CAPN1: variants seen among roughly 807,000 people sequenced by gnomAD.
CAPN1 encodes the protein calpain-1 catalytic subunit.
Under a neutral mutation model 105.2 loss-of-function variants are expected in CAPN1, and 77 were observed. That is an observed-to-expected ratio of 0.73 (90% CI 0.61 to 0.88). The LOEUF (loss-of-function observed/expected upper bound fraction) is 0.88, where lower values mean the gene tolerates loss of function less well. CAPN1 is among the 40% of genes least tolerant of loss of function. CAPN1 has a pLI of 0.00. For missense variants in CAPN1, 833 were observed against 976.6 expected (o/e 0.85, Z 1.96); for synonymous variants, 355 against 388.8 (o/e 0.91, Z 1.02).
Position 65,188,535 on chromosome 11 carries a change from C to A in CAPN1, c.1004+47C>A, listed in dbSNP as rs1302766902. On this transcript the variant is annotated intron_variant, in intron 9 of 21. Coordinates refer to ENST00000279247, the MANE Select transcript of CAPN1 (RefSeq NM_005186.4). The surrounding 1 kb of genome is among the most constrained non-coding windows in gnomAD (Gnocchi z 5.5). ...ACCCCACCTCTCCACCCCTACACAT[C>A]AGCTCTGTGCCCTGACGGGCTGTGC... is the stretch of plus-strand genomic sequence containing the variant. 2.5e-6 allele frequency: 4 copies of A among 1,613,032 alleles called. No individual in the cohort carries two copies. The highest frequency in any genetic ancestry group is 4.5e-5 in the East Asian group (2 of 44,886).
rs780440607 is a variant in CAPN1 at position 65,205,736 on chromosome 11, A to G, written c.1353+15A>G. 6 of 1,612,554 alleles carry G rather than the reference A, an allele frequency of 3.7e-6. No individual in the cohort carries two copies. The South Asian group carries it at 6.6e-5, about 18-fold the overall frequency. ...TCCCTCCGGAGGTAGGTGTGGCACC[A>G]TGACCCACCTGCAGTCACACACCCC... On this transcript the variant is annotated intron_variant, in intron 12 of 21. Coordinates refer to ENST00000279247, the MANE Select transcript of CAPN1 (RefSeq NM_005186.4).
Position 65,204,903 on chromosome 11 carries a change from G to T in CAPN1, c.1341+45G>T, listed in dbSNP as rs551304291. On this transcript the variant is annotated intron_variant, in intron 11 of 21. Transcript: ENST00000279247. ...GGTGGATCTCACTGAGCAGGCAGAG[G>T]ACCTGGCGCCCCCGACCCGCAGTGC... 12 of 1,544,158 alleles carry T rather than the reference G, an allele frequency of 7.8e-6. No individual in the cohort carries two copies. The South Asian group carries it at 1.2e-4, about 16-fold the overall frequency.
At chr11:65,193,277 C>A (rs116229398) in intron 10 of CAPN1, among the ~76,000 whole-genome samples, 1,815 of 152,012 alleles carry the variant, frequency 0.012, 36 homozygotes, top group African/African-American at 0.042. Flanking sequence ...CTGCACCCAG[C>A]CCCCTCTTAA....
intron 4 of CAPN1, among the ~76,000 whole-genome samples, chr11:65,184,686 A>G (rs1341726250): frequency 5.9e-5 from 9 of 152,102 alleles, no homozygotes; most frequent in Admixed American, 4.6e-4. Flanking sequence ...TGCTCATCCA[A>G]TGACACAGGT....
chr11:65,208,205 G>A lies in CAPN1; in HGVS notation c.1672G>A (p.Asp558Asn), dbSNP rs534023516. 8.0e-5 allele frequency: 127 copies of A among 1,584,066 alleles called. No individual in the cohort carries two copies. The highest frequency in any genetic ancestry group is 1.5e-5 in the Non-Finnish European group (18 of 1,165,032). ...KALFRQLAGEDMEISVKELRT... is the reference protein window; with the variant it reads ...KALFRQLAGENMEISVKELRT... ...GGTGCCACCTCCTCTCTCTCCCCAG[G>A]ACATGGAGATCAGCGTGAAGGAGTT... The change falls in exon 16 of 22, where the codon GAC becomes AAC. Residue 558 changes from aspartate to asparagine, a missense_variant and splice_region_variant. Physicochemically the swap from Asp to Asn is conservative, Grantham distance 23 (BLOSUM62 1). Coordinates refer to ENST00000279247, the MANE Select transcript of CAPN1 (RefSeq NM_005186.4). The surrounding 1 kb of genome is among the most constrained non-coding windows in gnomAD (Gnocchi z 4.1).
Position 65,207,950 on chromosome 11 carries a change from C to T in CAPN1, c.1606-105C>T, listed in dbSNP as rs555535190. 2.6e-4 allele frequency: 187 copies of T among 729,994 alleles called. 1 individual carries two copies. Among genetic ancestry groups the T allele is most frequent in the Non-Finnish European group, 3.7e-4 (165 of 440,116 alleles). The allele number at this position is 729,994 out of a possible 1,614,324, so 45.2% of individuals were successfully genotyped here. A position where few individuals can be genotyped will look rare whatever the true frequency, so the allele number is the denominator to read the frequency against. ...AAAAGAAAAGTGAGGCTCAGAGAAG[C>T]GAAGTGACTTGTAGCAGATATGTGA... On this transcript the variant is annotated intron_variant, in intron 14 of 21. Transcript: ENST00000279247.
At chr11:65,183,361 T>C in intron 3 of CAPN1, 113 bp from the exon 4 acceptor site, 1 of 1,095,764 alleles carries the variant, frequency 9.1e-7, no homozygotes, top group African/African-American at 1.5e-5. Context: ...TTCTGCAAGC[T>C]GAGGGGAGTT....
chr11:65,191,991 A>G (rs1948725334), intron 10 of CAPN1, among the ~76,000 whole-genome samples: 1 of 152,166 alleles, frequency 6.6e-6, no homozygotes, highest in Non-Finnish European at 1.5e-5. Flanking sequence ...TGATGATAGT[A>G]TGCTTTTTTC....
intron 10 of CAPN1, among the ~76,000 whole-genome samples, chr11:65,198,909 A>G (rs1948829247): frequency 6.6e-6 from 1 of 152,164 alleles, no homozygotes; most frequent in Non-Finnish European, 1.5e-5. Context: ...ATCTCCACTC[A>G]CCGCAACCTC....
intron 1 of CAPN1, chr11:65,182,244 G>T: frequency 1.2e-5 from 1 of 81,302 alleles, no homozygotes; most frequent in Non-Finnish European, 2.7e-5. Flanking sequence ...GGGGGCCTGA[G>T]GAGGGGGACC....
chr11:65,210,252 CCCCCTCCTGGGGACCCAACCCCT>C lies in CAPN1; in HGVS notation c.1943-79_1943-57del. The C allele has an allele frequency of 8.5e-7, 1 of 1,173,690 alleles. No homozygotes were observed. Among genetic ancestry groups the C allele is most frequent in the East Asian group, 2.5e-5 (1 of 40,514 alleles). 72.7% of individuals were successfully genotyped at this position (1,173,690 alleles called of 1,614,324 possible). A position where few individuals can be genotyped will look rare whatever the true frequency, so the allele number is the denominator to read the frequency against. On this transcript the variant is annotated intron_variant, in intron 19 of 21. Transcript: ENST00000279247. This position sits in a 1 kb window ranked among gnomAD's most constrained non-coding sequence, Gnocchi z 4.3. The stretch of plus-strand genomic sequence containing the variant: ...TTACTAGCACCCTGCCTAGCCCCAG[CCCCCTCCTGGGGACCCAACCCCT>C]CCCCCATCCTGTTGGGCAGGGGCTG...
In CAPN1 at chr11:65,209,262, C is replaced by A; in HGVS notation, c.1730-61C>A. On this transcript the variant is annotated intron_variant, in intron 16 of 21. Transcript: ENST00000279247. This position sits in a 1 kb window ranked among gnomAD's most constrained non-coding sequence, Gnocchi z 4.1. ...TTGACTCTGCCCCACCCAGTGCTCC[C>A]AGCAGGGGCAGGTGCAGGAAGCTCA... The A allele has an allele frequency of 7.1e-7, 1 of 1,401,830 alleles. No individual in the cohort carries two copies. The highest frequency in any genetic ancestry group is 1.4e-5 in the African/African-American group (1 of 70,884). The allele number at this position is 1,401,830 out of a possible 1,614,324, so 86.8% of individuals were successfully genotyped here. A position where few individuals can be genotyped will look rare whatever the true frequency, so the allele number is the denominator to read the frequency against.
At chr11:65,193,962 A>ATTTTTTTTTTTTTTTTTTTTTT (rs60784154) in intron 10 of CAPN1, among the ~76,000 whole-genome samples, 1 of 76,206 alleles carries the variant, frequency 1.3e-5, no homozygotes, top group Non-Finnish European at 2.5e-5. Flanking sequence ...CTTTGGATTG[A>ATTTTTTTTTTTTTTTTTTTTTT]TTTTTTTTTT....
rs148771468 is a variant in CAPN1 at position 65,187,466 on chromosome 11, C to T, written c.843+168C>T. The T allele has an allele frequency of 1.5e-3, 925 of 608,112 alleles. 2 individuals are homozygous for T. The highest frequency in any genetic ancestry group is 2.3e-3 in the Non-Finnish European group (788 of 341,744). The allele number at this position is 608,112 out of a possible 1,614,324, so 37.7% of individuals were successfully genotyped here. ...ACCCATCTGAGATGCCTATCATGTCCTGCCCTGACTGACTGTAGTTCATGT... is the reference window on the plus strand; with the variant it reads ...ACCCATCTGAGATGCCTATCATGTCTTGCCCTGACTGACTGTAGTTCATGT... On this transcript the variant is annotated intron_variant, in intron 7 of 21. Transcript: ENST00000279247.
rs71049687 is a variant in CAPN1 at position 65,197,888 on chromosome 11, G to GAAA, written c.1166-6776_1166-6774dup. Among the ~76,000 whole-genome samples, 129 of 83,354 alleles carry GAAA rather than the reference G, an allele frequency of 1.5e-3. 1 individual carries two copies. The highest frequency in any genetic ancestry group is 2.5e-3 in the South Asian group (5 of 1,972). 54.7% of individuals were successfully genotyped at this position (83,354 alleles called of 152,430 possible). ...GGGTGAAAAGAGCAAAACTCTATCT[G>GAAA]AAAAAAAAAAAAAAAAAAAAAGACA... On this transcript the variant is annotated intron_variant, in intron 10 of 21. Coordinates refer to ENST00000279247, the MANE Select transcript of CAPN1 (RefSeq NM_005186.4).
intron 10 of CAPN1, among the ~76,000 whole-genome samples, chr11:65,193,919 C>T (rs1304384776): frequency 1.4e-5 from 2 of 143,340 alleles, no homozygotes; most frequent in African/African-American, 5.2e-5. Flanking sequence ...TATCATTAAT[C>T]TTTACTGTTT....
chr11:65,206,320 G>T, intron 12 of CAPN1, 143 bp from the exon 13 acceptor site: 3 of 652,346 alleles, frequency 4.6e-6, no homozygotes, highest in Non-Finnish European at 8.1e-6. Context: ...TCTTGTTAGG[G>T]TCACACAGGC....
chr11:65,187,305 C>A lies in CAPN1; in HGVS notation c.843+7C>A, dbSNP rs1171420253. On this transcript the variant is annotated splice_region_variant and intron_variant, in intron 7 of 21. Coordinates refer to ENST00000279247, the MANE Select transcript of CAPN1 (RefSeq NM_005186.4). ...TGTGACCGGGGCCAAGCAGGTACTGCCCTGGGTGGGGCCTTCCCTGAAGGG... is the reference window on the plus strand; with the variant it reads ...TGTGACCGGGGCCAAGCAGGTACTGACCTGGGTGGGGCCTTCCCTGAAGGG... The A allele has an allele frequency of 3.7e-6, 6 of 1,606,558 alleles. No individual in the cohort carries two copies. In the South Asian group the frequency reaches 6.7e-5, roughly 18 times the overall value.
chr11:65,203,048 T>C (rs75523903), intron 10 of CAPN1, among the ~76,000 whole-genome samples: 1 of 152,226 alleles, frequency 6.6e-6, no homozygotes, highest in East Asian at 1.9e-4. Context: ...CTCCATGTTG[T>C]AGCATGGATC....
Sources: gnomAD v4.1 joint callset for allele counts (sites outside exome capture counted in the v4.1 genomes callset) on GRCh38, gnomAD v4.1.1 for gene constraint, Gnocchi (gnomAD v3.1) non-coding constraint, MANE v1.5 for transcripts, NCBI Gene and HGNC (gene_info 2026-07-23, HGNC 2026-07-21) for gene names.